The following PCDHGB7 variants were observed in gnomAD, a reference collection of about 807,000 sequenced individuals.
PCDHGB7 encodes the protein protocadherin gamma subfamily B, 7, also known as protocadherin gamma-B7.
A neutral mutation model predicts 61.4 loss-of-function variants in PCDHGB7; 37 were observed. The observed-to-expected ratio is 0.60, with a 90% CI of 0.46 to 0.79. PCDHGB7 has a LOEUF of 0.79. Ranked by LOEUF, PCDHGB7 falls within the 30% of genes least tolerant of loss-of-function variation. PCDHGB7 has a pLI of 0.00. For missense variants in PCDHGB7, 1,166 were observed against 1,202.5 expected, an observed-to-expected ratio of 0.97 and a Z score of 0.45; for synonymous variants, 464 against 503.5, an observed-to-expected ratio of 0.92 and a Z score of 1.05.
intron 3 of PCDHGB7, among the ~76,000 whole-genome samples, chr5:141,506,444 CA>C (rs1219684339): frequency 0.54 from 51,660 of 95,006 alleles, 10,715 homozygotes; most frequent in African/African-American, 0.61. Context: ...CGCTCTGTCT[CA>C]AAAAAAAAAA....
At position 141,432,580 on chromosome 5, in the gene PCDHGB7, T is replaced by C. The variant is rs773087131; in HGVS notation, c.2415+12306T>C. 20 of 1,613,202 alleles carry C rather than the reference T, an allele frequency of 1.2e-5. No individual in the cohort carries two copies. The highest frequency in any genetic ancestry group is 4.0e-5 in the African/African-American group (3 of 74,662). On this transcript the variant is annotated intron_variant, in intron 1 of 3. Transcript: ENST00000398594. The surrounding 1 kb of genome is among the most constrained non-coding windows in gnomAD (Gnocchi z 6.0). ...GCCAGAACGCCTGGCTGTCCTACCG[T>C]CTGCTCAAGGCCAGCGAGCCGGGAC... is the stretch of plus-strand genomic sequence containing the variant.
In PCDHGB7 at chr5:141,420,134, G is replaced by A. The variant is rs769225630; in HGVS notation, c.2275G>A (p.Asp759Asn). The A allele has an allele frequency of 1.1e-5, 18 of 1,613,952 alleles. No homozygotes were observed. Among genetic ancestry groups the A allele is most frequent in the Non-Finnish European group, 1.4e-5 (17 of 1,179,876 alleles). Reference sequence around the variant, plus strand: ...TGCCTATAATTTTTGTGTGCCTGGGGATCAAATGAATCCAGAATTTAATTT... The same window carrying A: ...TGCCTATAATTTTTGTGTGCCTGGGAATCAAATGAATCCAGAATTTAATTT... ...PYAYNFCVPG[D>N]QMNPEFNFFT... The change falls in exon 1 of 4, where the codon GAT becomes AAT. Residue 759 changes from aspartate to asparagine, a missense_variant. Coordinates refer to ENST00000398594, the MANE Select transcript of PCDHGB7 (RefSeq NM_018927.4).
At position 141,491,583 on chromosome 5, in the gene PCDHGB7, C is replaced by T; in HGVS notation, c.2416-3224C>T. On this transcript the variant is annotated intron_variant, in intron 1 of 3. Transcript: ENST00000398594. The surrounding 1 kb of genome is among the most constrained non-coding windows in gnomAD (Gnocchi z 6.9). ...GCTACAGGACGTGCTTTTCACCGGC[C>T]TCGGACGGCAGTGACTTCACTTTTC... 1 of 1,613,964 alleles carries T rather than the reference C, an allele frequency of 6.2e-7. No individual in the cohort carries two copies. Among genetic ancestry groups the T allele is most frequent in the African/African-American group, 1.3e-5 (1 of 75,032 alleles).
At chr5:141,473,966 G>A (rs1268822103) in intron 1 of PCDHGB7, among the ~76,000 whole-genome samples, 3 of 152,174 alleles carry the variant, frequency 2.0e-5, no homozygotes, top group Non-Finnish European at 4.4e-5. Context: ...CTACTTAGAA[G>A]TCTGAGGCGG....
chr5:141,511,118 C>T lies in PCDHGB7; in HGVS notation c.2735C>T (p.Ala912Val), dbSNP rs1352222210. 1.2e-6 allele frequency: 2 copies of T among 1,614,094 alleles called. No individual in the cohort carries two copies. The highest frequency in any genetic ancestry group is 1.7e-6 in the Non-Finnish European group (2 of 1,180,022). The change falls in exon 4 of 4, where the codon GCC (alanine) becomes GTC (valine). Residue 912 changes from alanine to valine, a missense_variant. Coordinates refer to ENST00000398594, the MANE Select transcript of PCDHGB7 (RefSeq NM_018927.4). ...GCAGCTGGCAAGCGGGATGGCAAGG[C>T]CCCAGCAGGTGGCAATGGCAACAAG... is the stretch of plus-strand genomic sequence containing the variant. ...TNAAGKRDGK[A>V]PAGGNGNKKK... is the part of the protein sequence containing the mutation.
intron 1 of PCDHGB7, among the ~76,000 whole-genome samples, chr5:141,462,023 A>T (rs927945421): frequency 1.3e-5 from 2 of 152,112 alleles, no homozygotes; most frequent in African/African-American, 4.8e-5. Flanking sequence ...GGGTTTCTTC[A>T]TGTTGGTCAG....
chr5:141,436,240 G>T (rs192988618), intron 1 of PCDHGB7, among the ~76,000 whole-genome samples: 1 of 152,082 alleles, frequency 6.6e-6, no homozygotes. Context: ...AGCTAACATG[G>T]TCTAATTATT....
At chr5:141,501,881 C>T (rs1396427606) in intron 2 of PCDHGB7, among the ~76,000 whole-genome samples, 1 of 152,124 alleles carries the variant, frequency 6.6e-6, no homozygotes, top group East Asian at 1.9e-4. Context: ...CCTTACACTC[C>T]TGATCATCAT....
At chr5:141,445,768 T>A (rs2098476928) in intron 1 of PCDHGB7, among the ~76,000 whole-genome samples, 1 of 152,074 alleles carries the variant, frequency 6.6e-6, no homozygotes, top group Admixed American at 6.6e-5. Context: ...CTCAAGCAAT[T>A]TAAAAGGGCT....
intron 1 of PCDHGB7, chr5:141,426,927 A>G (rs1480193041): frequency 2.2e-6 from 1 of 456,634 alleles, no homozygotes; most frequent in African/African-American, 2.0e-5. Flanking sequence ...AGCAATGGAC[A>G]TGGGTGACCC....
At chr5:141,423,679 C>T in intron 1 of PCDHGB7, 2 of 1,487,594 alleles carry the variant, frequency 1.3e-6, no homozygotes, top group South Asian at 1.3e-5. Context: ...TATTTCTCTG[C>T]CTCCTAATTG....
At chr5:141,421,079 T>A (rs2096545177) in intron 1 of PCDHGB7, 1 of 630,528 alleles carries the variant, frequency 1.6e-6, no homozygotes, top group Non-Finnish European at 2.7e-6. Context: ...AGATGGATAC[T>A]CACAGATCCT....
In PCDHGB7 at chr5:141,417,969, T is replaced by G; in HGVS notation, c.110T>G (p.Ile37Ser). The G allele has an allele frequency of 6.2e-7, 1 of 1,613,768 alleles. No homozygotes were observed. The highest frequency in any genetic ancestry group is 8.5e-7 in the Non-Finnish European group (1 of 1,179,716). The change falls in exon 1 of 4, where the codon ATT becomes AGT. Residue 37 changes from isoleucine (I) to serine (S), a missense_variant. Transcript: ENST00000398594. ...CTGTGTGAGCCGATCCGCTACTCGA[T>G]TCCGGAGGAGCTGGCCAAGGGCTCG... Reference protein sequence around the residue: ...PTLCEPIRYSIPEELAKGSVV... With the variant: ...PTLCEPIRYSSPEELAKGSVV...
intron 3 of PCDHGB7, among the ~76,000 whole-genome samples, chr5:141,507,760 T>G (rs2099863136): frequency 6.6e-6 from 1 of 152,202 alleles, no homozygotes; most frequent in Non-Finnish European, 1.5e-5. Context: ...GCCTCCCACC[T>G]TTGGCCCACA....
chr5:141,459,795 C>T (rs1394778891), intron 1 of PCDHGB7, among the ~76,000 whole-genome samples: 1 of 152,190 alleles, frequency 6.6e-6, no homozygotes, highest in Non-Finnish European at 1.5e-5. Flanking sequence ...AACTGTTTTT[C>T]CCTGTTGACT....
intron 1 of PCDHGB7, among the ~76,000 whole-genome samples, chr5:141,469,489 C>T (rs1013080566): frequency 4.6e-5 from 7 of 151,928 alleles, no homozygotes; most frequent in Middle Eastern, 3.4e-3. Context: ...GCAGGAGAAT[C>T]GCTTGAACCC....
intron 1 of PCDHGB7, among the ~76,000 whole-genome samples, chr5:141,449,588 C>CA (rs768743917): frequency 0.036 from 2,064 of 56,756 alleles, 20 homozygotes; most frequent in Middle Eastern, 0.06. Context: ...GACTCTGTCT[C>CA]AAAAAAAAAA....
At chr5:141,441,340 C>T (rs2098240395) in intron 1 of PCDHGB7, 1 of 152,330 alleles carries the variant, frequency 6.6e-6, no homozygotes, top group Non-Finnish European at 1.5e-5. Flanking sequence ...CAATAATTAA[C>T]TACATGCTTG....
chr5:141,505,443 C>A lies in PCDHGB7; in HGVS notation c.2525C>A (p.Thr842Lys). ...TGTWPNNQFD[T>K]EMLQAMILAS... ...ACCTGGCCCAACAACCAGTTTGACA[C>A]AGAGATGCTGCAAGCCATGATCTTG... Residue 842 changes from threonine to lysine, a missense_variant, in exon 3 of 4, where the codon ACA becomes AAA. Physicochemically the swap from Thr to Lys is moderately conservative, Grantham distance 78. Transcript: ENST00000398594. 2 of 1,614,224 alleles carry A rather than the reference C, an allele frequency of 1.2e-6. No homozygotes were observed. Among genetic ancestry groups the A allele is most frequent in the Non-Finnish European group, 8.5e-7 (1 of 1,180,042 alleles).
Sources: gnomAD v4.1 joint callset for allele counts (sites outside exome capture counted in the v4.1 genomes callset) on GRCh38, gnomAD v4.1.1 for gene constraint, Gnocchi (gnomAD v3.1) non-coding constraint, MANE v1.5 for transcripts, NCBI Gene and HGNC (gene_info 2026-07-23, HGNC 2026-07-21) for gene names.